Variants in BIVM observed in about 807,000 individuals in gnomAD.
BIVM encodes basic, immunoglobulin-like variable motif containing, also known as basic immunoglobulin-like variable motif-containing protein.
BIVM carries 31 observed loss-of-function variants against 61.4 expected under a neutral mutation model. That is an observed-to-expected ratio of 0.51 (90% CI 0.38 to 0.68). The LOEUF (loss-of-function observed/expected upper bound fraction) is 0.68, where lower values mean the gene tolerates loss of function less well. Ranked by LOEUF, BIVM falls within the 30% of genes least tolerant of loss-of-function variation. The probability of loss-of-function intolerance (pLI) is 0.00; values close to 1 mark genes in which losing one functional copy is unlikely to be tolerated. For synonymous variants in BIVM, 189 were observed against 210.7 expected, an observed-to-expected ratio of 0.90 and a Z score of 0.89; for missense variants, 526 against 596.0, an observed-to-expected ratio of 0.88 and a Z score of 1.22.
chr13:102,809,910 C>T (rs546277265), intron 3 of BIVM, among the ~76,000 whole-genome samples: 9 of 152,124 alleles, frequency 5.9e-5, no homozygotes, highest in Non-Finnish European at 1.3e-4. Flanking sequence ...CTCAGCCTCC[C>T]GAGTACCTGG....
At chr13:102,828,215 C>T (rs78601839) in intron 7 of BIVM, among the ~76,000 whole-genome samples, 1 of 152,152 alleles carries the variant, frequency 6.6e-6, no homozygotes, top group Non-Finnish European at 1.5e-5. Flanking sequence ...AGAGATGTCA[C>T]TAGTCACAAT....
chr13:102,834,598 A>G (rs768605448), intron 9 of BIVM, 46 bp downstream of exon 9: 40 of 1,515,820 alleles, frequency 2.6e-5, no homozygotes, highest in Non-Finnish European at 3.5e-5. Context: ...TAACATTTAG[A>G]TACAGTGAAA....
intron 3 of BIVM, among the ~76,000 whole-genome samples, chr13:102,808,925 A>T (rs1879292863): frequency 6.6e-6 from 1 of 151,752 alleles, no homozygotes; most frequent in African/African-American, 2.4e-5. Flanking sequence ...TATTTTCTCT[A>T]TTTTTTTTAA....
At chr13:102,808,242 C>T (rs1413660809) in intron 3 of BIVM, among the ~76,000 whole-genome samples, 3 of 152,212 alleles carry the variant, frequency 2.0e-5, no homozygotes, top group Middle Eastern at 3.4e-3. Context: ...TGCTGTTTAC[C>T]GAGGTTGTGC....
chr13:102,834,552 A>T lies in BIVM; in HGVS notation c.1121A>T (p.Lys374Ile), dbSNP rs753418596. 5.7e-6 allele frequency: 9 copies of T among 1,582,544 alleles called. No homozygotes were observed. Among genetic ancestry groups the T allele is most frequent in the Non-Finnish European group, 6.8e-6 (8 of 1,170,516 alleles). ...AAACATCCTGCCATTCACTGTAAAA[A>T]GTATGTTAACTTCCCTTTATTTTCT... ...SRKHPAIHCK[K>I]WADIVTDLNT... The change falls in exon 9 of 11, where the codon AAA becomes ATA. Residue 374 changes from lysine (K) to isoleucine (I), a missense_variant and splice_region_variant. Around this residue, in one of 3 missense-constraint regions of BIVM, gnomAD observed 210 missense variants for 233.1 expected, o/e 0.90. Coordinates refer to ENST00000257336, the MANE Select transcript of BIVM (RefSeq NM_017693.4).
Position 102,821,780 on chromosome 13 carries a change from C to G in BIVM, c.739C>G (p.Leu247Val), listed in dbSNP as rs1004915672. 1 of 1,614,012 alleles carries G rather than the reference C, an allele frequency of 6.2e-7. No individual in the cohort carries two copies. Among genetic ancestry groups the G allele is most frequent in the Non-Finnish European group, 8.5e-7 (1 of 1,179,990 alleles). The part of the protein sequence containing the change: ...PITQEEALHI[L>V]GFQPPFEDIR... Reference sequence around the variant, plus strand: ...TACCCAAGAAGAAGCTTTACATATTCTGGGCTTTCAACCTCCATTTGAAGA... The same window carrying G: ...TACCCAAGAAGAAGCTTTACATATTGTGGGCTTTCAACCTCCATTTGAAGA... Residue 247 changes from leucine (L) to valine (V), a missense_variant, in exon 6 of 11, where the codon CTG becomes GTG. Around this residue, in one of 3 missense-constraint regions of BIVM, gnomAD observed 312 missense variants for 343.8 expected, o/e 0.91. Transcript: ENST00000257336.
intron 4 of BIVM, among the ~76,000 whole-genome samples, chr13:102,819,835 A>C (rs929998949): frequency 6.6e-6 from 1 of 152,214 alleles, no homozygotes; most frequent in Admixed American, 6.5e-5. Context: ...ATACAAATGC[A>C]TATATGTACA....
At chr13:102,805,730 C>T (rs949921116) in intron 2 of BIVM, among the ~76,000 whole-genome samples, 1 of 152,180 alleles carries the variant, frequency 6.6e-6, no homozygotes, top group Non-Finnish European at 1.5e-5. Flanking sequence ...CTGTTCTGGA[C>T]ATGTTATATA....
intron 4 of BIVM, 162 bp downstream of exon 4, chr13:102,816,716 G>A (rs1047674469): frequency 4.6e-5 from 31 of 677,210 alleles, no homozygotes; most frequent in Non-Finnish European, 5.9e-5. Context: ...ACAAATGTTT[G>A]AAGTAGATTA....
intron 1 of BIVM, among the ~76,000 whole-genome samples, chr13:102,800,192 TCAAA>T (rs1878652678): frequency 6.6e-6 from 1 of 152,248 alleles, no homozygotes; most frequent in African/African-American, 2.4e-5. Context: ...ACTCGTTTAC[TCAAA>T]CAGTCGAATC....
chr13:102,800,462 C>T (rs576298942), intron 1 of BIVM: 1 of 152,446 alleles, frequency 6.6e-6, no homozygotes, highest in Admixed American at 6.5e-5. Context: ...GAGGCGCGGG[C>T]TGGGTTGGCC....
intron 10 of BIVM, 110 bp from the exon 11 acceptor site, chr13:102,839,462 A>G: frequency 7.1e-7 from 1 of 1,405,446 alleles, no homozygotes; most frequent in Non-Finnish European, 9.6e-7. Flanking sequence ...GGAAAGTACC[A>G]TTCTGAGGCC....
chr13:102,800,857 G>GAGGTC (rs1207220996), intron 1 of BIVM: 4 of 152,262 alleles, frequency 2.6e-5, no homozygotes, highest in Non-Finnish European at 5.9e-5. Context: ...CGACCCTTAC[G>GAGGTC]AGGTCACCGG....
In BIVM at chr13:102,811,057, AT is replaced by A. The variant is rs367894930; in HGVS notation, c.478+3315del. Among the ~76,000 whole-genome samples the A allele has an allele frequency of 1.6e-4, 25 of 152,304 alleles. No homozygotes were observed. In the East Asian group the frequency reaches 4.6e-3, roughly 28 times the overall value. The stretch of plus-strand genomic sequence containing the variant: ...ACTACTAGCTTTTAAGCTAATAATA[AT>A]TTCTCAAAAATGTATTAGTCTCATA... On this transcript the variant is annotated intron_variant, in intron 3 of 10. Transcript: ENST00000257336.
chr13:102,828,464 C>T (rs1880827929), intron 7 of BIVM, among the ~76,000 whole-genome samples: 2 of 152,272 alleles, frequency 1.3e-5, no homozygotes, highest in South Asian at 2.1e-4. Context: ...ACTCACACAT[C>T]GCTTCACCAT....
At chr13:102,832,557 T>C (rs2140494807) in intron 8 of BIVM, among the ~76,000 whole-genome samples, 1 of 152,338 alleles carries the variant, frequency 6.6e-6, no homozygotes, top group African/African-American at 2.4e-5. Flanking sequence ...TTATAGACTA[T>C]GTCACAGTGC....
At chr13:102,814,578 C>T (rs565854262) in intron 3 of BIVM, among the ~76,000 whole-genome samples, 1 of 152,224 alleles carries the variant, frequency 6.6e-6, no homozygotes, top group South Asian at 2.1e-4. Context: ...CATTATTAGG[C>T]AGTGAAGACA....
At chr13:102,815,868 T>A (rs938690311) in intron 3 of BIVM, among the ~76,000 whole-genome samples, 7 of 152,250 alleles carry the variant, frequency 4.6e-5, no homozygotes, top group African/African-American at 1.7e-4. Flanking sequence ...ATTTTAGTAA[T>A]GTATATGTGT....
At chr13:102,800,948 G>C (rs1878721309) in intron 1 of BIVM, among the ~76,000 whole-genome samples, 1 of 152,224 alleles carries the variant, frequency 6.6e-6, no homozygotes, top group Non-Finnish European at 1.5e-5. Flanking sequence ...TACTGAAGAG[G>C]TTTTTAGAGA....
Sources: allele counts gnomAD v4.1 joint callset (sites outside exome capture counted in the v4.1 genomes callset), GRCh38; gene constraint gnomAD v4.1.1; regional missense constraint gnomAD v4.1.1; transcripts MANE v1.5; gene names NCBI Gene and HGNC (gene_info 2026-07-23, HGNC 2026-07-21).